The following TMEM200C variants were observed in gnomAD, a reference collection of about 807,000 sequenced individuals.
The protein encoded by TMEM200C is transmembrane protein TTMA.
For missense variants in TMEM200C, 966 were observed against 699.9 expected (o/e 1.38, Z -4.29); for synonymous variants, 462 against 324.7 (o/e 1.42, Z -4.55).
At chr18:5,886,390 T>G (rs2095165382) in exon 3 of TMEM200C, 1 of 152,146 alleles carries the variant, frequency 6.6e-6, no homozygotes, top group African/African-American at 2.4e-5. Context: ...GTTCATTCAT[T>G]GTTATATAAT....
exon 3 of TMEM200C, chr18:5,890,809 C>A: frequency 1.5e-6 from 1 of 671,102 alleles, no homozygotes; most frequent in Non-Finnish European, 2.7e-6. Context: ...ATGCTCAGGT[C>A]GAGCTCGCCC....
intron 2 of TMEM200C, among the ~76,000 whole-genome samples, chr18:5,894,611 A>G (rs1464048676): frequency 2.6e-5 from 4 of 152,228 alleles, no homozygotes; most frequent in Non-Finnish European, 5.9e-5. Flanking sequence ...TCTCCGCTCA[A>G]GATGGATTAA....
chr18:5,883,402 C>T (rs1049067579), exon 3 of TMEM200C: 4 of 152,032 alleles, frequency 2.6e-5, no homozygotes, highest in Non-Finnish European at 4.4e-5. Flanking sequence ...TAAGCTGCAT[C>T]TATACTTTGC....
At chr18:5,885,685 C>G (rs2095164830) in exon 3 of TMEM200C, 1 of 152,152 alleles carries the variant, frequency 6.6e-6, no homozygotes, top group Non-Finnish European at 1.5e-5. Flanking sequence ...GGTAGTTTGA[C>G]TAAAGTTGGA....
chr18:5,891,668 C>T lies in TMEM200C; in HGVS notation c.396G>A (p.Arg132=). 1.2e-6 allele frequency: 2 copies of T among 1,613,724 alleles called. No homozygotes were observed. Among genetic ancestry groups the T allele is most frequent in the South Asian group, 1.1e-5 (1 of 91,076 alleles). The change falls in exon 3 of 3, where the codon AGG becomes AGA. Residue 132 remains arginine (R), a synonymous_variant. Coordinates refer to ENST00000581347, the Ensembl canonical transcript of TMEM200C. This position sits in a 1 kb window ranked among gnomAD's most constrained non-coding sequence, Gnocchi z 4.7. ...AGGCGGCTCGTGCTGGAGGCGTGCT[C>T]CTGGGCGCGCCCGCGGAACTGGAGT...
intron 1 of TMEM200C, 49 bp from the exon 1 acceptor site, chr18:5,895,571 C>G: frequency 7.1e-6 from 1 of 140,804 alleles, no homozygotes; most frequent in Non-Finnish European, 1.6e-5. Flanking sequence ...CGCCCCCGCC[C>G]CCGCCCCCCG....
chr18:5,882,130 C>A (rs2095162233), exon 3 of TMEM200C: 1 of 152,210 alleles, frequency 6.6e-6, no homozygotes, highest in African/African-American at 2.4e-5. Flanking sequence ...TATACATTCA[C>A]TAAATAATTT....
chr18:5,890,654 G>A (rs2095169499), exon 3 of TMEM200C: 1 of 706,752 alleles, frequency 1.4e-6, no homozygotes, highest in South Asian at 5.4e-5. Flanking sequence ...CGCTGGTGCT[G>A]CGGCGCCGCA....
chr18:5,891,586 G>T lies in TMEM200C; in HGVS notation c.478C>A (p.Leu160Met). 2 of 1,613,866 alleles carry T rather than the reference G, an allele frequency of 1.2e-6. No homozygotes were observed. Among genetic ancestry groups the T allele is most frequent in the Non-Finnish European group, 1.7e-6 (2 of 1,179,850 alleles). Reference sequence around the variant, plus strand: ...AAGACCTTGAGCTTGTCAGAGTGCAGGTAGCCAGAGAAGATGCGGAAGAAG... The same window carrying T: ...AAGACCTTGAGCTTGTCAGAGTGCATGTAGCCAGAGAAGATGCGGAAGAAG... The change falls in exon 3 of 3, where the codon CTG becomes ATG. Residue 160 changes from leucine (L) to methionine (M), a missense_variant. Physicochemically the swap from Leu to Met is conservative, Grantham distance 15. Coordinates refer to ENST00000581347, the Ensembl canonical transcript of TMEM200C. The surrounding 1 kb of genome is among the most constrained non-coding windows in gnomAD (Gnocchi z 4.7).
chr18:5,890,131 T>A, exon 3 of TMEM200C: 1 of 1,437,192 alleles, frequency 7.0e-7, no homozygotes, highest in Non-Finnish European at 9.3e-7. Context: ...AGGGACCTGT[T>A]AATGCACTGA....
Position 5,891,981 on chromosome 18 carries a change from T to C in TMEM200C, c.83A>G (p.Lys28Arg). 1 of 1,613,968 alleles carries C rather than the reference T, an allele frequency of 6.2e-7. No homozygotes were observed. The highest frequency in any genetic ancestry group is 1.1e-5 in the South Asian group (1 of 91,078). The change falls in exon 3 of 3, where the codon AAG becomes AGG. Residue 28 changes from lysine to arginine, a missense_variant. By Grantham distance (26) the Lys-to-Arg change is conservative. Coordinates refer to ENST00000581347, the Ensembl canonical transcript of TMEM200C. The surrounding 1 kb of genome is among the most constrained non-coding windows in gnomAD (Gnocchi z 4.7). ...CTTGCGCCTCTTCTTGGCTTTCCGC[T>C]TGCGCTTGGGTATCTGGCTTGGGGG...
At chr18:5,895,891 G>A (rs957056606) in exon 1 of TMEM200C, 2 of 152,016 alleles carry the variant, frequency 1.3e-5, no homozygotes, top group African/African-American at 4.8e-5. Flanking sequence ...CCCAAAGAGA[G>A]GCCCGGAGGG....
Position 5,891,101 on chromosome 18 carries a change from G to T in TMEM200C, c.963C>A (p.Ala321=). The change falls in exon 3 of 3, where the codon GCC becomes GCA. Residue 321 remains alanine (A), a synonymous_variant. Coordinates refer to ENST00000581347, the Ensembl canonical transcript of TMEM200C. This position sits in a 1 kb window ranked among gnomAD's most constrained non-coding sequence, Gnocchi z 4.7. ...AGCGCTCGCGGTAGACGCTGTACAC[G>T]GCCTCGGCCAGGCTCGGGGGCTCCC... 2.0e-6 allele frequency: 1 copy of T among 503,494 alleles called. No homozygotes were observed. The highest frequency in any genetic ancestry group is 3.4e-6 in the Non-Finnish European group (1 of 294,310). 31.2% of individuals were successfully genotyped at this position (503,494 alleles called of 1,614,324 possible).
At chr18:5,885,239 C>T (rs1359380228) in exon 3 of TMEM200C, 1 of 152,006 alleles carries the variant, frequency 6.6e-6, no homozygotes, top group Non-Finnish European at 1.5e-5. Flanking sequence ...ATTTTCCTCC[C>T]TTGTTATTGA....
chr18:5,886,359 G>A (rs2095165361), exon 3 of TMEM200C: 1 of 152,094 alleles, frequency 6.6e-6, no homozygotes, highest in Non-Finnish European at 1.5e-5. Flanking sequence ...GCTAAATATA[G>A]CCAAGTGTGC....
exon 3 of TMEM200C, chr18:5,890,799 A>C (rs1225447764): frequency 4.5e-6 from 3 of 661,936 alleles, no homozygotes; most frequent in Admixed American, 4.4e-5. Context: ...GAGGTTGGTC[A>C]TGCTCAGGTC....
rs987703167 is a variant in TMEM200C, at chr18:5,891,594, G to A, written c.470C>T (p.Ser157Phe). 2 of 1,613,894 alleles carry A rather than the reference G, an allele frequency of 1.2e-6. No individual in the cohort carries two copies. Among genetic ancestry groups the A allele is most frequent in the South Asian group, 1.1e-5 (1 of 91,084 alleles). ...GAGCTTGTCAGAGTGCAGGTAGCCA[G>A]AGAAGATGCGGAAGAAGAAGCCCAC... Residue 157 changes from serine to phenylalanine, a missense_variant, in exon 3 of 3, where the codon TCT (serine) becomes TTT (phenylalanine). Coordinates refer to ENST00000581347, the Ensembl canonical transcript of TMEM200C. The surrounding 1 kb of genome is among the most constrained non-coding windows in gnomAD (Gnocchi z 4.7).
At chr18:5,889,417 C>A (rs938989861) in exon 3 of TMEM200C, 6 of 152,182 alleles carry the variant, frequency 3.9e-5, no homozygotes, top group African/African-American at 1.4e-4. Flanking sequence ...TTATGTTTAA[C>A]TGTTTGTTCG....
intron 2 of TMEM200C, among the ~76,000 whole-genome samples, chr18:5,894,675 G>A (rs2095174217): frequency 1.3e-5 from 2 of 152,200 alleles, no homozygotes; most frequent in South Asian, 2.1e-4. Flanking sequence ...GCGCTGTGCT[G>A]TGCCCGGTAC....
Sources: allele counts gnomAD v4.1 joint callset (sites outside exome capture counted in the v4.1 genomes callset), GRCh38; gene constraint gnomAD v4.1.1; non-coding constraint Gnocchi (gnomAD v3.1); transcripts MANE v1.5; gene names NCBI Gene and HGNC (gene_info 2026-07-23, HGNC 2026-07-21).